Variants in TYW1B observed in about 807,000 individuals in gnomAD.
TYW1B encodes tRNA-yW synthesizing protein 1 homolog B.
TYW1B carries 73 observed loss-of-function variants against 86.9 expected under a neutral mutation model. The observed-to-expected ratio is 0.84, with a 90% CI of 0.70 to 1.02. The LOEUF is 1.02. TYW1B is among the 50% of genes least tolerant of loss of function. The pLI, the probability that TYW1B is intolerant of heterozygous loss-of-function variation, is 0.00. For missense variants in TYW1B, 637 were observed against 827.4 expected (o/e 0.77, Z 2.82); for synonymous variants, 248 against 292.8 (o/e 0.85, Z 1.56).
chr7:72,606,615 C>CA (rs61510369), intron 13 of TYW1B, among the ~76,000 whole-genome samples: 113,058 of 148,846 alleles, frequency 0.76, 43,087 homozygotes, highest in East Asian at 0.89. Context: ...AGGCCCCCCC[C>CA]CCGCCTCCAT....
chr7:72,815,872 T>A (rs527308035), intron 2 of TYW1B, among the ~76,000 whole-genome samples: 2 of 151,528 alleles, frequency 1.3e-5, no homozygotes, highest in Admixed American at 6.6e-5. Context: ...ATAAAAAAAA[T>A]TTAAAAATTA....
intron 12 of TYW1B, among the ~76,000 whole-genome samples, chr7:72,625,413 G>A (rs1272640464): frequency 6.6e-6 from 1 of 152,118 alleles, no homozygotes; most frequent in Non-Finnish European, 1.5e-5. Flanking sequence ...GAGGCCAGGA[G>A]TTCAAGACCA....
chr7:72,796,950 C>T (rs9792101), intron 6 of TYW1B, among the ~76,000 whole-genome samples: 12,351 of 135,504 alleles, frequency 0.091, 909 homozygotes, highest in East Asian at 0.34. Context: ...ATTACAGGCA[C>T]GTACCACTAT....
chr7:72,700,266 C>T (rs1211176355), intron 10 of TYW1B, among the ~76,000 whole-genome samples: 2 of 144,534 alleles, frequency 1.4e-5, no homozygotes, highest in African/African-American at 5.2e-5. Flanking sequence ...CCTCTGCCTC[C>T]CAGGTTCAAC....
chr7:72,827,998 C>A, intron 1 of TYW1B, 74 bp downstream of exon 1: 7 of 1,599,596 alleles, frequency 4.4e-6, no homozygotes, highest in Non-Finnish European at 6.0e-6. Flanking sequence ...GACGCCACTC[C>A]GCCCGGAGAG....
chr7:72,795,434 TA>T (rs1554474318), intron 6 of TYW1B, among the ~76,000 whole-genome samples: 1 of 151,908 alleles, frequency 6.6e-6, no homozygotes, highest in Non-Finnish European at 1.5e-5. Flanking sequence ...TTACAAAGTC[TA>T]AAAGGCTTGT....
chr7:72,815,831 A>G (rs1788712640), intron 2 of TYW1B, among the ~76,000 whole-genome samples: 2 of 152,192 alleles, frequency 1.3e-5, no homozygotes, highest in East Asian at 3.9e-4. Flanking sequence ...CTTGAGGCCA[A>G]GCCTGGGCAA....
At chr7:72,629,150 T>C (rs1273745213) in intron 11 of TYW1B, among the ~76,000 whole-genome samples, 153 bp from the exon 12 acceptor site, 3 of 152,180 alleles carry the variant, frequency 2.0e-5, no homozygotes, top group Non-Finnish European at 4.4e-5. Context: ...TGAGGAAAGA[T>C]GAAACAAAAA....
chr7:72,720,503 A>G (rs1358985926), intron 9 of TYW1B, among the ~76,000 whole-genome samples: 1 of 152,200 alleles, frequency 6.6e-6, no homozygotes, highest in East Asian at 1.9e-4. Context: ...ATTCTTGATG[A>G]TCAACTTTTT....
intron 12 of TYW1B, among the ~76,000 whole-genome samples, chr7:72,626,420 A>G (rs1554438848): frequency 1.3e-5 from 2 of 151,930 alleles, no homozygotes; most frequent in Non-Finnish European, 2.9e-5. Flanking sequence ...ATTACTTCCA[A>G]TCATTATTTC....
At chr7:72,614,659 G>GA (rs143269554) in intron 13 of TYW1B, among the ~76,000 whole-genome samples, 1,876 of 151,144 alleles carry the variant, frequency 0.012, 41 homozygotes, top group African/African-American at 0.041. Context: ...GAAACACAGA[G>GA]GTCTTGATAG....
chr7:72,758,485 CTGTT>C lies in TYW1B; in HGVS notation c.965-13888_965-13885del, dbSNP rs1318814527. Among the ~76,000 whole-genome samples the C allele has an allele frequency of 1.6e-4, 24 of 151,744 alleles. No individual in the cohort carries two copies. In the South Asian group the frequency reaches 3.8e-3, roughly 24 times the overall value. On this transcript the variant is annotated intron_variant, in intron 7 of 13. Transcript: ENST00000620995. ...CTCTTAGAAAAAAATTTTTCTCTCT[CTGTT>C]TGTTATCTGGTTCACATAATTGGTG... is the stretch of plus-strand genomic sequence containing the variant.
At chr7:72,751,710 G>A (rs1787503330) in intron 7 of TYW1B, among the ~76,000 whole-genome samples, 1 of 152,128 alleles carries the variant, frequency 6.6e-6, no homozygotes, top group South Asian at 2.1e-4. Context: ...ATGTTTTCTT[G>A]TGTCCTAGAC....
At chr7:72,784,080 T>C (rs1409225775) in intron 6 of TYW1B, among the ~76,000 whole-genome samples, 1 of 151,966 alleles carries the variant, frequency 6.6e-6, no homozygotes, top group Non-Finnish European at 1.5e-5. Context: ...ATGCTGATGT[T>C]AGTCTTTGTC....
intron 7 of TYW1B, chr7:72,768,893 A>G (rs1787820310): frequency 5.8e-6 from 2 of 345,518 alleles, no homozygotes; most frequent in Non-Finnish European, 1.1e-5. Context: ...AGCAGTTGGA[A>G]GACTATTTGA....
intron 11 of TYW1B, among the ~76,000 whole-genome samples, chr7:72,652,156 T>C (rs1436606116): frequency 6.6e-6 from 1 of 151,940 alleles, no homozygotes; most frequent in Non-Finnish European, 1.5e-5. Flanking sequence ...GGCAGGCGGA[T>C]CACGAGGTCA....
chr7:72,683,515 A>C (rs1554448740), intron 11 of TYW1B, among the ~76,000 whole-genome samples: 1 of 152,228 alleles, frequency 6.6e-6, no homozygotes, highest in African/African-American at 2.4e-5. Context: ...AGTTGCAGTG[A>C]GCCGAGATCG....
intron 12 of TYW1B, among the ~76,000 whole-genome samples, chr7:72,619,647 C>CAAA (rs34309451): frequency 3.5e-4 from 24 of 68,758 alleles, no homozygotes; most frequent in African/African-American, 7.2e-4. Context: ...GACTCCGTCT[C>CAAA]AAAAAAAAAA....
chr7:72,807,418 C>G, intron 4 of TYW1B, 62 bp from the exon 5 acceptor site: 8 of 1,553,446 alleles, frequency 5.1e-6, no homozygotes, highest in Non-Finnish European at 7.0e-6. Flanking sequence ...TTCCAGACTG[C>G]TCTGCAAAAG....
Sources: gnomAD v4.1 joint callset for allele counts (sites outside exome capture counted in the v4.1 genomes callset) on GRCh38, gnomAD v4.1.1 for gene constraint, MANE v1.5 for transcripts, NCBI Gene and HGNC (gene_info 2026-07-23, HGNC 2026-07-21) for gene names.